The following SCFD2 variants were observed in gnomAD, a reference collection of about 807,000 sequenced individuals.
SCFD2 encodes sec1 family domain containing 2.
Under a neutral mutation model 58.9 loss-of-function variants are expected in SCFD2, and 54 were observed. The observed-to-expected ratio is 0.92, with a 90% CI of 0.74 to 1.15. The LOEUF (loss-of-function observed/expected upper bound fraction) is 1.15. SCFD2 is among the 50% of genes most tolerant of loss of function. The pLI, the probability that SCFD2 is intolerant of heterozygous loss-of-function variation, is 0.00. For missense variants in SCFD2, 805 were observed against 836.6 expected (o/e 0.96, Z 0.47); for synonymous variants, 321 against 335.9 (o/e 0.96, Z 0.49).
intron 5 of SCFD2, among the ~76,000 whole-genome samples, chr4:52,991,346 A>G (rs1304508697): frequency 6.6e-6 from 1 of 152,222 alleles, no homozygotes; most frequent in Non-Finnish European, 1.5e-5. Context: ...AGTTTTAATG[A>G]CAGTAAAAAG....
intron 5 of SCFD2, among the ~76,000 whole-genome samples, chr4:53,112,239 A>C (rs1725193509): frequency 6.6e-6 from 1 of 152,156 alleles, no homozygotes; most frequent in African/African-American, 2.4e-5. Flanking sequence ...GGGAAAAGAG[A>C]ATGAAAGGTG....
rs3052566 is a variant in SCFD2 at position 52,875,802 on chromosome 4, C to CTA, written c.1963-1743_1963-1742dup. 7.4e-3 allele frequency among the ~76,000 whole-genome samples: 447 copies of CTA among 60,736 alleles called. 17 individuals carry two copies. Among genetic ancestry groups the CTA allele is most frequent in the Non-Finnish European group, 0.011 (321 of 29,814 alleles). The allele number at this position is 60,736 out of a possible 152,430, so 39.8% of individuals were successfully genotyped here. On this transcript the variant is annotated intron_variant, in intron 8 of 8. Coordinates refer to ENST00000401642, the MANE Select transcript of SCFD2 (RefSeq NM_152540.4). ...CTTCTTGAAAGAGGATTATCTTTAA[C>CTA]TATATATATATATATATATATATAT...
Position 53,116,701 on chromosome 4 carries a change from G to A in SCFD2, c.1561+28632C>T, listed in dbSNP as rs1207972246. Among the ~76,000 whole-genome samples, 3 of 152,150 alleles carry A rather than the reference G, an allele frequency of 2.0e-5. No individual in the cohort carries two copies. In the East Asian group the frequency reaches 5.8e-4, roughly 29 times the overall value. On this transcript the variant is annotated intron_variant, in intron 5 of 8. Coordinates refer to ENST00000401642, the MANE Select transcript of SCFD2 (RefSeq NM_152540.4). ...AAGCTGGATGGCCTTGGAGAGTTGGGTTTTGTGAACCAATAAATATGATTA... is the reference window on the plus strand; with the variant it reads ...AAGCTGGATGGCCTTGGAGAGTTGGATTTTGTGAACCAATAAATATGATTA...
chr4:53,341,379 A>C (rs1429092253), intron 2 of SCFD2, among the ~76,000 whole-genome samples: 2 of 152,224 alleles, frequency 1.3e-5, no homozygotes, highest in Non-Finnish European at 2.9e-5. Context: ...CAAATGAACG[A>C]AATGAAGCAA....
intron 5 of SCFD2, among the ~76,000 whole-genome samples, chr4:53,063,193 T>G (rs1202857678): frequency 6.6e-6 from 1 of 152,158 alleles, no homozygotes; most frequent in Non-Finnish European, 1.5e-5. Context: ...GAAACAGTAT[T>G]TGGAATAATG....
chr4:52,990,491 G>A (rs1721592143), intron 5 of SCFD2, among the ~76,000 whole-genome samples: 1 of 152,016 alleles, frequency 6.6e-6, no homozygotes, highest in Non-Finnish European at 1.5e-5. Context: ...CCAATGGGGA[G>A]AGCTGAGGCT....
chr4:53,185,719 T>A (rs1461425923), intron 4 of SCFD2, among the ~76,000 whole-genome samples: 2 of 152,170 alleles, frequency 1.3e-5, no homozygotes, highest in Non-Finnish European at 2.9e-5. Flanking sequence ...AATTTAACTG[T>A]GATTACAATC....
Position 52,914,370 on chromosome 4 carries a change from G to A in SCFD2, c.1707+6355C>T, listed in dbSNP as rs1281415260. 4.6e-5 allele frequency among the ~76,000 whole-genome samples: 7 copies of A among 152,322 alleles called. No homozygotes were observed. The East Asian group carries it at 1.4e-3, about 29-fold the overall frequency. ...CTTACAGAGGAATTAGCTCCTACAG[G>A]ATATGAGGTTTTTAAGCCAGGGGAC... On this transcript the variant is annotated intron_variant, in intron 6 of 8. Coordinates refer to ENST00000401642, the MANE Select transcript of SCFD2 (RefSeq NM_152540.4).
intron 5 of SCFD2, among the ~76,000 whole-genome samples, chr4:53,123,226 C>T (rs532222067): frequency 9.9e-5 from 15 of 152,284 alleles, no homozygotes; most frequent in African/African-American, 3.4e-4. Context: ...TAGCTAGACA[C>T]GAATTATTTT....
At chr4:53,337,640 T>C (rs1035009215) in intron 2 of SCFD2, among the ~76,000 whole-genome samples, 6 of 152,282 alleles carry the variant, frequency 3.9e-5, no homozygotes, top group East Asian at 1.9e-4. Flanking sequence ...AGAATGTTCA[T>C]ACCAGTAAAA....
Position 53,365,641 on chromosome 4 carries a change from A to C in SCFD2, c.301T>G (p.Cys101Gly), listed in dbSNP as rs1343934194. The change falls in exon 1 of 9, where the codon TGT (cysteine) becomes GGT (glycine). Residue 101 changes from cysteine (C) to glycine (G), a missense_variant. Cys to Gly is a radical substitution (Grantham distance 159, BLOSUM62 -3). Coordinates refer to ENST00000401642, the MANE Select transcript of SCFD2 (RefSeq NM_152540.4). The surrounding 1 kb of genome is among the most constrained non-coding windows in gnomAD (Gnocchi z 4.3). The stretch of plus-strand genomic sequence containing the variant: ...TGGCTCACGGTTGTGACCACCACAC[A>C]ATACTGGAAGTGACTGCGGCAGATG... Reference protein sequence around the residue: ...DIICRSHFQYCVVVTTVSHAV... With the variant: ...DIICRSHFQYGVVVTTVSHAV... 1 of 1,614,220 alleles carries C rather than the reference A, an allele frequency of 6.2e-7. No individual in the cohort carries two copies. The highest frequency in any genetic ancestry group is 8.5e-7 in the Non-Finnish European group (1 of 1,180,044).
intron 5 of SCFD2, among the ~76,000 whole-genome samples, chr4:53,022,461 G>C (rs1261569203): frequency 3.9e-5 from 6 of 152,146 alleles, no homozygotes; most frequent in Non-Finnish European, 2.9e-5. Flanking sequence ...TGAGAAATCT[G>C]TATATCTGTA....
At chr4:53,178,092 G>C (rs945075358) in intron 4 of SCFD2, among the ~76,000 whole-genome samples, 10 of 152,246 alleles carry the variant, frequency 6.6e-5, no homozygotes, top group Non-Finnish European at 1.2e-4. Flanking sequence ...GCAGGGCACA[G>C]ACAAATGTAA....
At chr4:53,237,162 T>A (rs1338596939) in intron 4 of SCFD2, among the ~76,000 whole-genome samples, 1 of 149,582 alleles carries the variant, frequency 6.7e-6, no homozygotes, top group African/African-American at 2.5e-5. Context: ...GGGGGTAAGG[T>A]CATAGATCAA....
Position 53,214,227 on chromosome 4 carries a change from C to T in SCFD2, c.1311+59599G>A, listed in dbSNP as rs1024754254. On this transcript the variant is annotated intron_variant, in intron 4 of 8. Coordinates refer to ENST00000401642, the MANE Select transcript of SCFD2 (RefSeq NM_152540.4). ...CTAGTTCCAGATCCCTGAGGAATCG[C>T]CACACTGACTTCCACAATGGTTGAA... Among the ~76,000 whole-genome samples the T allele has an allele frequency of 3.2e-4, 49 of 152,102 alleles. 1 individual carries two copies. The highest frequency in any genetic ancestry group is 1.2e-3 in the African/African-American group (49 of 41,346).
chr4:53,294,582 G>T (rs893623189), intron 3 of SCFD2, among the ~76,000 whole-genome samples: 1 of 152,166 alleles, frequency 6.6e-6, no homozygotes, highest in Non-Finnish European at 1.5e-5. Flanking sequence ...CTCCCATTCT[G>T]TAGGTTGCCT....
chr4:52,875,088 A>T (rs1718438983), intron 8 of SCFD2, among the ~76,000 whole-genome samples: 1 of 152,212 alleles, frequency 6.6e-6, no homozygotes, highest in Non-Finnish European at 1.5e-5. Context: ...AGCAACTTGT[A>T]CAAGGACACA....
intron 4 of SCFD2, among the ~76,000 whole-genome samples, chr4:53,213,980 T>C (rs1248380394): frequency 6.6e-6 from 1 of 152,108 alleles, no homozygotes; most frequent in African/African-American, 2.4e-5. Flanking sequence ...ACAAAGGACA[T>C]GAACTCATCC....
chr4:52,999,562 T>C (rs1380654626), intron 5 of SCFD2, among the ~76,000 whole-genome samples: 2 of 152,146 alleles, frequency 1.3e-5, no homozygotes, highest in Non-Finnish European at 2.9e-5. Context: ...CACATTCAAC[T>C]CAGCTGACTG....
Sources: allele counts gnomAD v4.1 joint callset (sites outside exome capture counted in the v4.1 genomes callset), GRCh38; gene constraint gnomAD v4.1.1; non-coding constraint Gnocchi (gnomAD v3.1); transcripts MANE v1.5; gene names NCBI Gene and HGNC (gene_info 2026-07-23, HGNC 2026-07-21).